ERBB4: variants seen among roughly 807,000 people sequenced by gnomAD.
ERBB4 encodes the protein erb-b2 receptor tyrosine kinase 4.
ERBB4 carries 42 observed loss-of-function variants against 158.0 expected under a neutral mutation model. The ratio of observed to expected loss-of-function variants is 0.27; its 90% CI spans 0.21 to 0.34. The LOEUF is 0.34. ERBB4 is among the 10% of genes least tolerant of loss of function. The pLI is 1.00. For missense variants in ERBB4, 1,333 were observed against 1,624.1 expected (o/e 0.82, Z 3.08); for synonymous variants, 583 against 558.7 (o/e 1.04, Z -0.61).
chr2:211,781,276 A>G (rs1438212927), intron 4 of ERBB4, among the ~76,000 whole-genome samples: 3 of 152,064 alleles, frequency 2.0e-5, no homozygotes, highest in African/African-American at 2.4e-5. Context: ...AAAGTCACTG[A>G]AAAAAAAGTT....
chr2:211,788,773 T>G (rs1310887282), intron 3 of ERBB4, among the ~76,000 whole-genome samples: 1 of 152,132 alleles, frequency 6.6e-6, no homozygotes, highest in Non-Finnish European at 1.5e-5. Context: ...CTGCAGTCAG[T>G]AGGTAAGTAA....
intron 1 of ERBB4, among the ~76,000 whole-genome samples, chr2:212,338,641 A>G (rs2088562398): frequency 1.3e-5 from 2 of 152,284 alleles, no homozygotes; most frequent in East Asian, 1.9e-4. Context: ...TACACAACTC[A>G]TTGACAAGTG....
At chr2:212,314,176 G>A (rs1344291744) in intron 1 of ERBB4, among the ~76,000 whole-genome samples, 1 of 151,148 alleles carries the variant, frequency 6.6e-6, no homozygotes, top group Non-Finnish European at 1.5e-5. Flanking sequence ...AGTTAACTGA[G>A]ATCAGTTTTG....
chr2:211,794,580 A>C (rs1017834380), intron 3 of ERBB4, among the ~76,000 whole-genome samples: 3 of 151,854 alleles, frequency 2.0e-5, no homozygotes, highest in Non-Finnish European at 2.9e-5. Flanking sequence ...TAGTGATAGC[A>C]TAATGTTAGT....
At chr2:212,465,399 C>T (rs1688781415) in intron 1 of ERBB4, among the ~76,000 whole-genome samples, 1 of 152,088 alleles carries the variant, frequency 6.6e-6, no homozygotes, top group East Asian at 1.9e-4. Flanking sequence ...CACAGCGCAC[C>T]TCTTTGCTGA....
intron 3 of ERBB4, among the ~76,000 whole-genome samples, chr2:211,937,037 A>C (rs543239846): frequency 2.0e-5 from 3 of 152,330 alleles, no homozygotes; most frequent in African/African-American, 7.2e-5. Flanking sequence ...GGTATATTGA[A>C]CTTCTAGCCT....
intron 1 of ERBB4, among the ~76,000 whole-genome samples, chr2:212,352,876 T>A (rs1330585959): frequency 1.3e-5 from 2 of 151,670 alleles, no homozygotes; most frequent in African/African-American, 4.8e-5. Context: ...CTCAAAAAAA[T>A]AAAATAAAAC....
intron 1 of ERBB4, among the ~76,000 whole-genome samples, chr2:212,490,541 A>G (rs559902022): frequency 4.6e-5 from 7 of 151,944 alleles, no homozygotes; most frequent in African/African-American, 1.7e-4. Context: ...CTCACTATTT[A>G]ATGACAGTTT....
chr2:212,287,019 G>C (rs1198008910), intron 1 of ERBB4, among the ~76,000 whole-genome samples: 1 of 151,598 alleles, frequency 6.6e-6, no homozygotes, highest in Non-Finnish European at 1.5e-5. Flanking sequence ...TGTTCTGAGA[G>C]ACAAGTAACC....
At chr2:212,396,241 T>C (rs2091022467) in intron 1 of ERBB4, among the ~76,000 whole-genome samples, 1 of 152,180 alleles carries the variant, frequency 6.6e-6, no homozygotes, top group Admixed American at 6.6e-5. Flanking sequence ...AGGTATATTT[T>C]GCTGGAGTCT....
intron 1 of ERBB4, among the ~76,000 whole-genome samples, chr2:212,412,429 G>A (rs530103382): frequency 2.0e-5 from 3 of 152,060 alleles, no homozygotes; most frequent in African/African-American, 4.8e-5. Context: ...ACCTCCCCAC[G>A]ACTCCTTCTC....
At chr2:212,154,200 A>C (rs2080961120) in intron 1 of ERBB4, among the ~76,000 whole-genome samples, 1 of 152,162 alleles carries the variant, frequency 6.6e-6, no homozygotes, top group African/African-American at 2.4e-5. Context: ...CTCTGTCTTT[A>C]CACCAAGTTA....
chr2:212,135,157 G>C (rs765238800), intron 1 of ERBB4, among the ~76,000 whole-genome samples: 17 of 151,970 alleles, frequency 1.1e-4, no homozygotes, highest in African/African-American at 1.5e-4. Flanking sequence ...ATCTAAAATT[G>C]AATTGATCTG....
Position 212,055,987 on chromosome 2 carries a change from G to C in ERBB4, c.234+68765C>G, listed in dbSNP as rs1323854186. ...AGAAGATCAAACTTCTCTGAGCTAA[G>C]GGAGGAAGTCTGAACCCATCGCAAA... is the stretch of plus-strand genomic sequence containing the variant. On this transcript the variant is annotated intron_variant, in intron 2 of 27. Transcript: ENST00000342788. Among the ~76,000 whole-genome samples the C allele has an allele frequency of 2.0e-5, 3 of 152,174 alleles. No individual in the cohort carries two copies. The South Asian group carries it at 6.2e-4, about 31-fold the overall frequency.
intron 23 of ERBB4, among the ~76,000 whole-genome samples, chr2:211,423,542 A>C (rs1251614534): frequency 6.6e-6 from 1 of 151,980 alleles, no homozygotes; most frequent in East Asian, 1.9e-4. Flanking sequence ...TTTATAATAC[A>C]TATGTGTCTG....
At chr2:211,724,882 A>G (rs2074216771) in intron 6 of ERBB4, among the ~76,000 whole-genome samples, 194 bp downstream of exon 6, 5 of 152,210 alleles carry the variant, frequency 3.3e-5, no homozygotes, top group Admixed American at 2.0e-4. Context: ...TATACAATTC[A>G]TTTAATAGAA....
At position 211,402,203 on chromosome 2, in the gene ERBB4, C is replaced by G. The variant is rs529413537; in HGVS notation, c.3136-14211G>C. Among the ~76,000 whole-genome samples the G allele has an allele frequency of 2.6e-5, 4 of 152,030 alleles. No homozygotes were observed. The East Asian group carries it at 7.7e-4, about 29-fold the overall frequency. ...ACCCTATCTAATTCATCAGTGTTGTCTTTTAGGGTAACAAGCTCCTTAAGT... is the reference window on the plus strand; with the variant it reads ...ACCCTATCTAATTCATCAGTGTTGTGTTTTAGGGTAACAAGCTCCTTAAGT... On this transcript the variant is annotated intron_variant, in intron 25 of 27. Coordinates refer to ENST00000342788, the MANE Select transcript of ERBB4 (RefSeq NM_005235.3).
intron 2 of ERBB4, among the ~76,000 whole-genome samples, chr2:212,113,490 T>C (rs7566172): frequency 0.76 from 112,805 of 149,142 alleles, 43,879 homozygotes; most frequent in African/African-American, 0.93. Context: ...AGGAGAATGG[T>C]GTGAACCCGG....
intron 1 of ERBB4, among the ~76,000 whole-genome samples, chr2:212,481,323 A>G (rs1346045235): frequency 6.6e-6 from 1 of 152,170 alleles, no homozygotes; most frequent in East Asian, 1.9e-4. Flanking sequence ...TATGTTAAAC[A>G]TCTTCCAAAG....
Sources: allele counts gnomAD v4.1 joint callset (sites outside exome capture counted in the v4.1 genomes callset), GRCh38; gene constraint gnomAD v4.1.1; transcripts MANE v1.5; gene names NCBI Gene and HGNC (gene_info 2026-07-23, HGNC 2026-07-21).